CLASP2: variants seen among roughly 807,000 people sequenced by gnomAD.
The protein encoded by CLASP2 is CLIP-associating protein 2.
Under a neutral mutation model 194.4 loss-of-function variants are expected in CLASP2, and 47 were observed. The ratio of observed to expected loss-of-function variants is 0.24; its 90% confidence interval spans 0.19 to 0.31. The LOEUF (loss-of-function observed/expected upper bound fraction) is 0.31. Ranked by LOEUF, CLASP2 falls within the 10% of genes least tolerant of loss-of-function variation. The pLI, the probability that CLASP2 is intolerant of heterozygous loss-of-function variation, is 1.00. For missense variants in CLASP2, 1,445 were observed against 1,823.6 expected (o/e 0.79, Z 3.78); for synonymous variants, 619 against 633.5 (o/e 0.98, Z 0.34).
intron 37 of CLASP2, chr3:33,504,096 T>C (rs2047496985): frequency 6.6e-6 from 1 of 152,222 alleles, no homozygotes; most frequent in Non-Finnish European, 1.5e-5. Context: ...GATATATAAT[T>C]TGCAAGAATG....
chr3:33,712,508 TA>T (rs1295399100), intron 1 of CLASP2, among the ~76,000 whole-genome samples: 1 of 151,902 alleles, frequency 6.6e-6, no homozygotes, highest in East Asian at 2.0e-4. Flanking sequence ...GAAATTATAA[TA>T]AATTTTTTTT....
At chr3:33,561,873 T>C (rs1486679158) in intron 27 of CLASP2, among the ~76,000 whole-genome samples, 1 of 152,122 alleles carries the variant, frequency 6.6e-6, no homozygotes, top group Non-Finnish European at 1.5e-5. Context: ...GGACAAATCA[T>C]AATAAACATT....
chr3:33,632,407 AT>A, intron 8 of CLASP2, 36 bp from the exon 9 acceptor site: 1 of 1,419,840 alleles, frequency 7.0e-7, no homozygotes. Flanking sequence ...CCTAAGGTTC[AT>A]TTTTAAGCAT....
At chr3:33,527,522 T>G (rs2054906950) in intron 34 of CLASP2, among the ~76,000 whole-genome samples, 1 of 152,176 alleles carries the variant, frequency 6.6e-6, no homozygotes, top group Non-Finnish European at 1.5e-5. Context: ...AATGCACAGC[T>G]GAATTCTACC....
intron 6 of CLASP2, among the ~76,000 whole-genome samples, chr3:33,677,901 AAGAG>A (rs2089090552): frequency 6.6e-6 from 1 of 150,428 alleles, no homozygotes; most frequent in Non-Finnish European, 1.5e-5. Context: ...GATAGGTAAG[AAGAG>A]AGAAAGAAAT....
At chr3:33,676,553 C>G (rs1490829169) in intron 6 of CLASP2, among the ~76,000 whole-genome samples, 4 of 151,052 alleles carry the variant, frequency 2.6e-5, no homozygotes, top group Non-Finnish European at 5.9e-5. Context: ...AAAATCAATT[C>G]AAGATGGATT....
chr3:33,576,357 C>A, intron 23 of CLASP2, 82 bp from the exon 24 acceptor site: 3 of 1,014,078 alleles, frequency 3.0e-6, no homozygotes, highest in South Asian at 3.2e-5. Flanking sequence ...AAGACCTTTA[C>A]AGGGGAAGGA....
At chr3:33,599,099 G>T (rs982065337) in intron 18 of CLASP2, among the ~76,000 whole-genome samples, 1 of 139,814 alleles carries the variant, frequency 7.2e-6, no homozygotes, top group Admixed American at 7.5e-5. Flanking sequence ...AGTAGTTGTT[G>T]TTGTCTTATT....
At chr3:33,526,080 C>CTT in intron 34 of CLASP2, among the ~76,000 whole-genome samples, 1 of 144,422 alleles carries the variant, frequency 6.9e-6, no homozygotes, top group Admixed American at 6.9e-5. Context: ...GCTGCTTCTT[C>CTT]TTTTTTTTTT....
chr3:33,606,943 G>C (rs1227924617), intron 15 of CLASP2, among the ~76,000 whole-genome samples, 185 bp from the exon 16 acceptor site: 1 of 152,194 alleles, frequency 6.6e-6, no homozygotes, highest in Non-Finnish European at 1.5e-5. Context: ...TTTGAGAAAA[G>C]GAGATCTCAG....
chr3:33,517,381 A>G (rs971791920), intron 34 of CLASP2, among the ~76,000 whole-genome samples: 1 of 152,250 alleles, frequency 6.6e-6, no homozygotes, highest in African/African-American at 2.4e-5. Context: ...TAATAAAAAT[A>G]CACAAAAGTG....
chr3:33,579,565 T>TA (rs1414321813), intron 23 of CLASP2, among the ~76,000 whole-genome samples: 1 of 152,162 alleles, frequency 6.6e-6, no homozygotes, highest in Non-Finnish European at 1.5e-5. Flanking sequence ...GGTAAGTGAT[T>TA]AGAGTTTCAG....
intron 1 of CLASP2, among the ~76,000 whole-genome samples, chr3:33,704,098 T>C (rs1390266927): frequency 3.3e-5 from 5 of 152,278 alleles, no homozygotes; most frequent in Non-Finnish European, 7.4e-5. Context: ...GAGGAAGTTT[T>C]AGGGAGAGCA....
chr3:33,635,475 A>G (rs1207907731), intron 8 of CLASP2, among the ~76,000 whole-genome samples: 1 of 152,178 alleles, frequency 6.6e-6, no homozygotes, highest in Non-Finnish European at 1.5e-5. Flanking sequence ...AGAAGAAAAG[A>G]GGGGCTACTT....
chr3:33,705,735 G>C (rs2092648787), intron 1 of CLASP2, among the ~76,000 whole-genome samples: 1 of 152,066 alleles, frequency 6.6e-6, no homozygotes, highest in Admixed American at 6.5e-5. Context: ...CAAGAGACTG[G>C]AAACTATCCA....
At chr3:33,702,833 A>T (rs1293734194) in intron 1 of CLASP2, among the ~76,000 whole-genome samples, 1 of 152,198 alleles carries the variant, frequency 6.6e-6, no homozygotes, top group African/African-American at 2.4e-5. Context: ...CAATCAAATG[A>T]TCTCTCACAA....
chr3:33,711,185 A>G (rs752076231), intron 1 of CLASP2, among the ~76,000 whole-genome samples: 15 of 152,218 alleles, frequency 9.9e-5, no homozygotes, highest in Middle Eastern at 6.8e-3. Flanking sequence ...TTTTTCTCCA[A>G]ACACCTTCAG....
chr3:33,583,649 G>C (rs1421343541), intron 22 of CLASP2, among the ~76,000 whole-genome samples: 1 of 152,152 alleles, frequency 6.6e-6, no homozygotes, highest in Non-Finnish European at 1.5e-5. Flanking sequence ...AAGAGTGGAA[G>C]GTGAAGGAAA....
intron 7 of CLASP2, chr3:33,659,106 G>A: frequency 3.4e-6 from 5 of 1,479,952 alleles, no homozygotes; most frequent in Non-Finnish European, 4.5e-6. Flanking sequence ...GGAGCACTGT[G>A]TGACCCAGGC....
Sources: gnomAD v4.1 joint callset for allele counts (sites outside exome capture counted in the v4.1 genomes callset) on GRCh38, gnomAD v4.1.1 for gene constraint, MANE v1.5 for transcripts, NCBI Gene and HGNC (gene_info 2026-07-23, HGNC 2026-07-21) for gene names.